The following CHST8 variants were observed in gnomAD, a reference collection of about 807,000 sequenced individuals.
CHST8 encodes carbohydrate sulfotransferase 8, also known as GALNAC-4-ST1.
Under a neutral mutation model 15.0 loss-of-function variants are expected in CHST8, and 10 were observed. The ratio of observed to expected loss-of-function variants is 0.67; its 90% CI spans 0.41 to 1.13. CHST8 has a LOEUF of 1.13. CHST8 is among the 50% of genes most tolerant of loss of function. CHST8 has a pLI of 0.00. For synonymous variants in CHST8, 259 were observed against 256.6 expected, an observed-to-expected ratio of 1.01 and a Z score of -0.09; for missense variants, 634 against 608.2, an observed-to-expected ratio of 1.04 and a Z score of -0.45.
intron 3 of CHST8, among the ~76,000 whole-genome samples, chr19:33,709,093 G>C (rs1304238100): frequency 6.6e-6 from 1 of 152,114 alleles, no homozygotes; most frequent in African/African-American, 2.4e-5. Context: ...CCTGTAATTT[G>C]TTAGTTAATT....
intron 2 of CHST8, among the ~76,000 whole-genome samples, chr19:33,687,409 G>A (rs1489323826): frequency 6.6e-6 from 1 of 152,212 alleles, no homozygotes. Context: ...GGGTGGCCTC[G>A]GTGGATGACA....
intron 3 of CHST8, among the ~76,000 whole-genome samples, chr19:33,702,631 C>T (rs1973363531): frequency 6.6e-6 from 1 of 152,196 alleles, no homozygotes; most frequent in Admixed American, 6.5e-5. Context: ...GTCCTGCGTC[C>T]CCAGGTAGCC....
chr19:33,697,191 A>G (rs1340075109), intron 3 of CHST8, among the ~76,000 whole-genome samples: 1 of 151,528 alleles, frequency 6.6e-6, no homozygotes, highest in Non-Finnish European at 1.5e-5. Context: ...CCACTTTTTG[A>G]TGGGATTATT....
At chr19:33,686,619 C>T (rs904839714) in intron 2 of CHST8, among the ~76,000 whole-genome samples, 4 of 152,156 alleles carry the variant, frequency 2.6e-5, no homozygotes, top group Non-Finnish European at 4.4e-5. Flanking sequence ...CAGTTCTGGG[C>T]GCTAGCCATG....
intron 3 of CHST8, among the ~76,000 whole-genome samples, chr19:33,694,736 C>T (rs1973177602): frequency 6.6e-6 from 1 of 152,142 alleles, no homozygotes; most frequent in Non-Finnish European, 1.5e-5. Context: ...TCCACCACCA[C>T]ACCTAGCTAA....
At chr19:33,713,362 A>G (rs1057052315) in intron 3 of CHST8, among the ~76,000 whole-genome samples, 15 of 151,632 alleles carry the variant, frequency 9.9e-5, no homozygotes, top group Admixed American at 8.5e-4. Context: ...GTGCCCTCCC[A>G]GGGGAGCCAA....
intron 1 of CHST8, among the ~76,000 whole-genome samples, chr19:33,648,820 A>G (rs1486559048): frequency 8.9e-6 from 1 of 112,402 alleles, no homozygotes; most frequent in Admixed American, 1.1e-4. Context: ...ATATCCATCA[A>G]TAGATGAATG....
intron 1 of CHST8, among the ~76,000 whole-genome samples, chr19:33,629,854 C>T (rs905411180): frequency 2.0e-5 from 3 of 152,252 alleles, no homozygotes; most frequent in Admixed American, 6.5e-5. Context: ...GCCCAGAGGG[C>T]GGCCTCTCCA....
rs1437910597 is a variant in CHST8, at chr19:33,773,063, A to AGGGGCGCCGCAGCTGGCCG, written c.*4_*22dup. 2 of 1,589,230 alleles carry AGGGGCGCCGCAGCTGGCCG rather than the reference A, an allele frequency of 1.3e-6. No individual in the cohort carries two copies. The highest frequency in any genetic ancestry group is 1.7e-6 in the Non-Finnish European group (2 of 1,169,312). ...CCAAGCCCTTTGCAGATCTGTACTG[A>AGGGGCGCCGCAGCTGGCCG]GGGGCGCCGCAGCTGGCCGGGGCCG... On this transcript the variant is annotated 3_prime_UTR_variant, in exon 5 of 5. Coordinates refer to ENST00000650847, the MANE Select transcript of CHST8 (RefSeq NM_001127895.2).
chr19:33,726,208 C>T (rs1973895247), intron 3 of CHST8, among the ~76,000 whole-genome samples: 1 of 152,090 alleles, frequency 6.6e-6, no homozygotes, highest in South Asian at 2.1e-4. Context: ...CAGGGCCAGC[C>T]AGTCACATAC....
At chr19:33,706,076 G>A (rs1271481113) in intron 3 of CHST8, among the ~76,000 whole-genome samples, 1 of 152,200 alleles carries the variant, frequency 6.6e-6, no homozygotes, top group African/African-American at 2.4e-5. Context: ...ACACAGCCAG[G>A]AAGTATCAGT....
chr19:33,659,368 TA>T, intron 1 of CHST8, among the ~76,000 whole-genome samples: 1 of 152,180 alleles, frequency 6.6e-6, no homozygotes, highest in Non-Finnish European at 1.5e-5. Context: ...ACCAGCCAGG[TA>T]ATGACTTCTA....
chr19:33,665,546 A>G (rs965627491), intron 1 of CHST8, among the ~76,000 whole-genome samples: 3 of 151,902 alleles, frequency 2.0e-5, no homozygotes, highest in Admixed American at 6.6e-5. Context: ...ACAGATGGGT[A>G]TGGAAATGGA....
chr19:33,689,398 C>G lies in CHST8; in HGVS notation c.130+7C>G, dbSNP rs745633711. The G allele has an allele frequency of 1.0e-5, 16 of 1,578,570 alleles. No homozygotes were observed. Among genetic ancestry groups the G allele is most frequent in the Non-Finnish European group, 1.7e-6 (2 of 1,166,030 alleles). ...GCCCCCCAGCAGGTGCCAGGTGAGTCCTTGCGCTGAGTCCTGCCATCACTG... is the reference window on the plus strand; with the variant it reads ...GCCCCCCAGCAGGTGCCAGGTGAGTGCTTGCGCTGAGTCCTGCCATCACTG... On this transcript the variant is annotated splice_region_variant and intron_variant, in intron 3 of 4. Transcript: ENST00000650847.
chr19:33,716,822 T>G (rs78042698), intron 3 of CHST8, among the ~76,000 whole-genome samples: 5,985 of 152,142 alleles, frequency 0.039, 389 homozygotes, highest in African/African-American at 0.14. Context: ...CAGAAATGTG[T>G]TTTTTCACAG....
At chr19:33,763,557 G>T (rs1299026887) in intron 3 of CHST8, among the ~76,000 whole-genome samples, 1 of 152,238 alleles carries the variant, frequency 6.6e-6, no homozygotes, top group Non-Finnish European at 1.5e-5. Flanking sequence ...CCGTGACTGT[G>T]ACAGAGGCTG....
intron 2 of CHST8, among the ~76,000 whole-genome samples, chr19:33,680,657 G>A (rs1235677531): frequency 1.3e-5 from 2 of 152,202 alleles, no homozygotes; most frequent in African/African-American, 2.4e-5. Context: ...CATTTTTAAA[G>A]TGCAATTTGC....
chr19:33,766,703 G>T (rs1378375534), intron 3 of CHST8, among the ~76,000 whole-genome samples: 7 of 152,328 alleles, frequency 4.6e-5, no homozygotes, highest in Admixed American at 2.6e-4. Flanking sequence ...GATGCAGTCG[G>T]GACCTTGCCT....
rs148722684 is a variant in CHST8, at chr19:33,726,335, A to G, written c.130+36944A>G. ...CAGCACTGTGGGAAGCTGAGGTGGGAGGATCACTTTAGCTCAGGAGTTCGA... is the reference window on the plus strand; with the variant it reads ...CAGCACTGTGGGAAGCTGAGGTGGGGGGATCACTTTAGCTCAGGAGTTCGA... On this transcript the variant is annotated intron_variant, in intron 3 of 4. Transcript: ENST00000650847. 6.0e-4 allele frequency among the ~76,000 whole-genome samples: 92 copies of G among 152,180 alleles called. 3 individuals are homozygous for G. In the East Asian group the frequency reaches 0.015, roughly 24 times the overall value.
Sources: allele counts gnomAD v4.1 joint callset (sites outside exome capture counted in the v4.1 genomes callset), GRCh38; gene constraint gnomAD v4.1.1; transcripts MANE v1.5; gene names NCBI Gene and HGNC (gene_info 2026-07-23, HGNC 2026-07-21).